The following TRPA1 variants were observed in gnomAD, a reference collection of about 807,000 sequenced individuals.
The protein encoded by TRPA1 is transient receptor potential cation channel subfamily A member 1, also known as ankyrin-like with transmembrane domains 1.
Under a neutral mutation model 131.3 loss-of-function variants are expected in TRPA1, and 129 were observed. The ratio of observed to expected loss-of-function variants is 0.98; its 90% confidence interval spans 0.85 to 1.14. The LOEUF is 1.14. Ranked by LOEUF, TRPA1 falls within the 50% of genes most tolerant of loss-of-function variation. TRPA1 has a pLI of 0.00. For missense variants in TRPA1, 1,304 were observed against 1,354.2 expected, an observed-to-expected ratio of 0.96 and a Z score of 0.58; for synonymous variants, 441 against 451.7, an observed-to-expected ratio of 0.98 and a Z score of 0.30.
intron 17 of TRPA1, 58 bp downstream of exon 17, chr8:72,046,455 A>G (rs1175108151): frequency 2.9e-6 from 3 of 1,041,294 alleles, no homozygotes; most frequent in Non-Finnish European, 4.2e-6. Flanking sequence ...TTAAAGTATA[A>G]TAAAAAAAAA....
chr8:72,084,307 A>G, the TRPA1 span, among the ~76,000 whole-genome samples: 1 of 148,746 alleles, frequency 6.7e-6, no homozygotes, highest in Admixed American at 6.6e-5. Context: ...CATTTCATAA[A>G]CATTTTTAAA....
At position 72,050,762 on chromosome 8, in the gene TRPA1, G is replaced by A; in HGVS notation, c.1905+16C>T. Reference sequence around the variant, plus strand: ...CAAGCATAAACCCGGGAAGAATTTTGTTTTAGAGAATTTACCTTCATGCAT... The same window carrying A: ...CAAGCATAAACCCGGGAAGAATTTTATTTTAGAGAATTTACCTTCATGCAT... On this transcript the variant is annotated intron_variant, in intron 15 of 26. Coordinates refer to ENST00000262209, the MANE Select transcript of TRPA1 (RefSeq NM_007332.3). 2 of 1,550,022 alleles carry A rather than the reference G, an allele frequency of 1.3e-6. No individual in the cohort carries two copies. The highest frequency in any genetic ancestry group is 1.8e-6 in the Non-Finnish European group (2 of 1,123,556).
the TRPA1 span, among the ~76,000 whole-genome samples, chr8:72,081,038 T>A: frequency 6.6e-6 from 1 of 151,950 alleles, no homozygotes; most frequent in South Asian, 2.1e-4. Flanking sequence ...TGTTTCATTT[T>A]TTTCTTTCTT....
chr8:72,055,927 G>T, intron 10 of TRPA1, 72 bp from the exon 11 acceptor site: 3 of 1,505,932 alleles, frequency 2.0e-6, no homozygotes, highest in Non-Finnish European at 2.8e-6. Flanking sequence ...AAACTATTCT[G>T]TAGGAAAATA....
At chr8:72,045,167 G>A (rs375417397) in intron 17 of TRPA1, among the ~76,000 whole-genome samples, 47 of 151,934 alleles carry the variant, frequency 3.1e-4, no homozygotes, top group African/African-American at 1.0e-3. Flanking sequence ...GAGCTAAAGC[G>A]CTTACAGCAA....
chr8:72,053,888 G>A, intron 12 of TRPA1, 21 bp from the exon 13 acceptor site: 1 of 1,583,466 alleles, frequency 6.3e-7, no homozygotes, highest in Non-Finnish European at 8.6e-7. Context: ...GTTAAGAAAA[G>A]ATGTGTGCAT....
chr8:72,084,776 T>G, the TRPA1 span, among the ~76,000 whole-genome samples: 5,782 of 151,402 alleles, frequency 0.038, 369 homozygotes, highest in African/African-American at 0.13. Context: ...CTCAGCCTTC[T>G]GAGTAACTGG....
Position 72,022,925 on chromosome 8 carries a change from G to GT in TRPA1, c.3340dup (p.Thr1114AsnfsTer5), listed in dbSNP as rs1296451673. ...GAGGAGCTAAGGCTCAAGATGGTGT[G>GT]TTTTTGCCTTGACTGCTCTCAACAC... On this transcript the variant is annotated frameshift_variant, in exon 27 of 27. Transcript: ENST00000262209. LOFTEE classifies it high-confidence loss of function. 6.2e-7 allele frequency: 1 copy of GT among 1,613,684 alleles called. No individual in the cohort carries two copies.
chr8:72,057,661 T>A, intron 9 of TRPA1, 56 bp downstream of exon 9: 1 of 1,302,284 alleles, frequency 7.7e-7, no homozygotes, highest in Non-Finnish European at 1.1e-6. Context: ...CAGTGAATGT[T>A]CATCCAACCA....
chr8:72,087,635 T>C, the TRPA1 span, among the ~76,000 whole-genome samples: 1 of 139,152 alleles, frequency 7.2e-6, no homozygotes, highest in Non-Finnish European at 1.5e-5. Context: ...CTATCAAATA[T>C]ATATATATAT....
At chr8:72,054,804 T>C (rs1044000551) in intron 12 of TRPA1, 4 of 152,476 alleles carry the variant, frequency 2.6e-5, no homozygotes, top group Non-Finnish European at 1.5e-5. Context: ...TGGTAAGATA[T>C]CAAATGAAAA....
At chr8:72,068,235 G>T (rs1416449450) in intron 3 of TRPA1, among the ~76,000 whole-genome samples, 1 of 152,188 alleles carries the variant, frequency 6.6e-6, no homozygotes, top group Non-Finnish European at 1.5e-5. Flanking sequence ...CTTATTATAA[G>T]TTCCAAATAG....
intron 24 of TRPA1, among the ~76,000 whole-genome samples, chr8:72,027,613 G>T (rs536407468): frequency 6.6e-6 from 1 of 152,242 alleles, no homozygotes; most frequent in South Asian, 2.1e-4. Context: ...CCATCTCCCA[G>T]CATGCATTGT....
chr8:72,075,886 G>A (rs1806173065), upstream of TRPA1, among the ~76,000 whole-genome samples: 1 of 151,522 alleles, frequency 6.6e-6, no homozygotes. Flanking sequence ...GTGTGTGTGT[G>A]TGTGTGTGTG....
upstream of TRPA1, among the ~76,000 whole-genome samples, chr8:72,077,293 G>A (rs73687870): frequency 1.8e-4 from 4 of 21,888 alleles, no homozygotes; most frequent in Non-Finnish European, 4.0e-4. Flanking sequence ...ACAGGGGTGG[G>A]GGGGGGGGCA....
At chr8:72,057,653 G>T in intron 9 of TRPA1, 64 bp downstream of exon 9, 1 of 1,207,222 alleles carries the variant, frequency 8.3e-7, no homozygotes, top group Non-Finnish European at 1.2e-6. Flanking sequence ...TTGGCACACA[G>T]TGAATGTTCA....
At chr8:72,025,853 G>A (rs1811585825) in intron 25 of TRPA1, 107 bp downstream of exon 25, 1 of 913,950 alleles carries the variant, frequency 1.1e-6, no homozygotes, top group Non-Finnish European at 1.8e-6. Flanking sequence ...CTGCCCACAG[G>A]CAGAGAAGAC....
intron 21 of TRPA1, among the ~76,000 whole-genome samples, chr8:72,036,049 G>GA (rs374662675): frequency 1.8e-5 from 2 of 108,814 alleles, no homozygotes; most frequent in South Asian, 3.4e-4. Flanking sequence ...AGAAGAAGAA[G>GA]AAAAAAGAAT....
intron 21 of TRPA1, 81 bp downstream of exon 21, chr8:72,036,207 A>T: frequency 6.9e-7 from 1 of 1,451,148 alleles, no homozygotes; most frequent in Non-Finnish European, 9.6e-7. Flanking sequence ...AGCCAGTTTT[A>T]AATTTACACC....
Sources: allele counts gnomAD v4.1 joint callset (sites outside exome capture counted in the v4.1 genomes callset), GRCh38; gene constraint gnomAD v4.1.1; transcripts MANE v1.5; gene names NCBI Gene and HGNC (gene_info 2026-07-23, HGNC 2026-07-21).